TBC1D9B: variants seen among roughly 807,000 people sequenced by gnomAD.
TBC1D9B encodes the protein TBC1 domain family member 9B, also known as TBC1 domain family, member 9B (with GRAM domain).
Under a neutral mutation model 121.1 loss-of-function variants are expected in TBC1D9B, and 87 were observed. The ratio of observed to expected loss-of-function variants is 0.72; its 90% CI spans 0.60 to 0.86. The LOEUF is 0.86. TBC1D9B is among the 40% of genes least tolerant of loss of function. The pLI is 0.00. For synonymous variants in TBC1D9B, 668 were observed against 670.1 expected (o/e 1.00, Z 0.05); for missense variants, 1,540 against 1,628.6 (o/e 0.95, Z 0.94).
At chr5:179,889,628 A>C (rs1023471256) in intron 6 of TBC1D9B, among the ~76,000 whole-genome samples, 10 of 152,086 alleles carry the variant, frequency 6.6e-5, no homozygotes, top group African/African-American at 2.4e-4. Flanking sequence ...TAATCCCAGC[A>C]CTTTGGACGG....
In TBC1D9B at chr5:179,885,658, A is replaced by G. The variant is rs1246935476; in HGVS notation, c.1254+2445T>C. ...CATACGAAGTCTCCAAAACCCGTGTACAGTGATCTGAACACTCACAGCACA... is the reference window on the plus strand; with the variant it reads ...CATACGAAGTCTCCAAAACCCGTGTGCAGTGATCTGAACACTCACAGCACA... On this transcript the variant is annotated intron_variant, in intron 7 of 20. Coordinates refer to ENST00000355235, the MANE Select transcript of TBC1D9B (RefSeq NM_015043.4). The surrounding 1 kb of genome is among the most constrained non-coding windows in gnomAD (Gnocchi z 4.5). Among the ~76,000 whole-genome samples, 1 of 152,100 alleles carries G rather than the reference A, an allele frequency of 6.6e-6. No homozygotes were observed. The highest frequency in any genetic ancestry group is 1.5e-5 in the Non-Finnish European group (1 of 68,028).
In TBC1D9B at chr5:179,870,363, G is replaced by C. The variant is rs745761923; in HGVS notation, c.2617C>G (p.Pro873Ala). 1 of 1,613,882 alleles carries C rather than the reference G, an allele frequency of 6.2e-7. No homozygotes were observed. Among genetic ancestry groups the C allele is most frequent in the East Asian group, 2.2e-5 (1 of 44,882 alleles). The change falls in exon 16 of 21, where the codon CCC becomes GCC. Residue 873 changes from proline to alanine, a missense_variant. Transcript: ENST00000355235. ...QFRELFASLT[P>A]WACGSHTPLL... is the part of the protein sequence containing the mutation. ...GGTGTGTGGGAGCCACAGGCCCAGG[G>C]TGTCAGGCTGGCAAAGAGTTCCCGG...
rs374644434 is a variant in TBC1D9B, at chr5:179,874,912, T to C, written c.2176A>G (p.Met726Val). 3.7e-6 allele frequency: 6 copies of C among 1,613,140 alleles called. No individual in the cohort carries two copies. Among genetic ancestry groups the C allele is most frequent in the Non-Finnish European group, 5.1e-6 (6 of 1,179,974 alleles). ...AACCCGGCATGTCACCTGCCCAGCA[T>C]GGTCATGGCCTCGCCCTCGTCGCTG... Reference protein sequence around the residue: ...GCSDEGEAMTMLGRYLDNVVN... With the variant: ...GCSDEGEAMTVLGRYLDNVVN... Residue 726 changes from methionine (M) to valine (V), a missense_variant, in exon 12 of 21, where the codon ATG becomes GTG. Met to Val is a conservative substitution (Grantham distance 21, BLOSUM62 1). Transcript: ENST00000355235. This position sits in a 1 kb window ranked among gnomAD's most constrained non-coding sequence, Gnocchi z 4.3.
intron 1 of TBC1D9B, among the ~76,000 whole-genome samples, chr5:179,906,212 G>A (rs1761309177): frequency 6.6e-6 from 1 of 152,214 alleles, no homozygotes; most frequent in African/African-American, 2.4e-5. Context: ...AGGCCACGAT[G>A]CCCATGATGG....
chr5:179,893,967 G>A lies in TBC1D9B; in HGVS notation c.577+419C>T, dbSNP rs563387300. On this transcript the variant is annotated intron_variant, in intron 4 of 20. Transcript: ENST00000355235. Reference sequence around the variant, plus strand: ...GGCTTGGGGATGGCTAAGACCCTGGGGCTCTTTCTGGAGCTGCTGGGAAAT... The same window carrying A: ...GGCTTGGGGATGGCTAAGACCCTGGAGCTCTTTCTGGAGCTGCTGGGAAAT... Among the ~76,000 whole-genome samples the A allele has an allele frequency of 3.3e-5, 5 of 152,258 alleles. No individual in the cohort carries two copies. The East Asian group carries it at 9.7e-4, about 29-fold the overall frequency.
intron 7 of TBC1D9B, among the ~76,000 whole-genome samples, chr5:179,882,508 C>T (rs1418094713): frequency 1.3e-5 from 2 of 152,126 alleles, no homozygotes; most frequent in African/African-American, 4.8e-5. Context: ...GTCTTTATAC[C>T]TGAACGTCAG....
At position 179,896,820 on chromosome 5, in the gene TBC1D9B, A is replaced by G. The variant is rs993155777; in HGVS notation, c.349-2206T>C. Among the ~76,000 whole-genome samples, 6 of 152,308 alleles carry G rather than the reference A, an allele frequency of 3.9e-5. No homozygotes were observed. The Middle Eastern group carries it at 0.014, about 345-fold the overall frequency. Reference sequence around the variant, plus strand: ...ATTACGGGTGTGAGACACCACGCCCAGCCCCATTTTGTCTAAATTCTTAAA... The same window carrying G: ...ATTACGGGTGTGAGACACCACGCCCGGCCCCATTTTGTCTAAATTCTTAAA... On this transcript the variant is annotated intron_variant, in intron 3 of 20. Coordinates refer to ENST00000355235, the MANE Select transcript of TBC1D9B (RefSeq NM_015043.4).
chr5:179,881,710 G>A (rs1206074709), intron 7 of TBC1D9B, among the ~76,000 whole-genome samples: 1 of 151,700 alleles, frequency 6.6e-6, no homozygotes, highest in East Asian at 1.9e-4. Context: ...TTTTTTCCCT[G>A]TTAGAAAGTG....
At position 179,875,264 on chromosome 5, in the gene TBC1D9B, C is replaced by T. The variant is rs1760329260; in HGVS notation, c.1901-77G>A. The T allele has an allele frequency of 6.6e-7, 1 of 1,520,726 alleles. No homozygotes were observed. The highest frequency in any genetic ancestry group is 8.8e-7 in the Non-Finnish European group (1 of 1,135,394). The allele number at this position is 1,520,726 out of a possible 1,614,324, so 94.2% of individuals were successfully genotyped here. A position where few individuals can be genotyped will look rare whatever the true frequency, so the allele number is the denominator to read the frequency against. ...GGGCCCTCACCTGCAGCGTACGAGC[C>T]CTGGCCACTCCAGCCCTGCCAGCTG... On this transcript the variant is annotated intron_variant, in intron 11 of 20. Transcript: ENST00000355235. The surrounding 1 kb of genome is among the most constrained non-coding windows in gnomAD (Gnocchi z 4.5).
rs371014801 is a variant in TBC1D9B, at chr5:179,893,289, C to T, written c.756G>A (p.Leu252=). 6.2e-7 allele frequency: 1 copy of T among 1,614,024 alleles called. No individual in the cohort carries two copies. The highest frequency in any genetic ancestry group is 1.1e-5 in the South Asian group (1 of 91,092). The change falls in exon 5 of 21, where the codon CTG becomes CTA. Residue 252 remains leucine (L), a synonymous_variant. Coordinates refer to ENST00000355235, the MANE Select transcript of TBC1D9B (RefSeq NM_015043.4). ...CCTCCAGGAAGCCCTCGCTGTCCAG[C>T]AGCTGCCGCATGGCCAGGTTGGCCA... ...EQLANLAMRQ[L]LDSEGFLEDK...
intron 2 of TBC1D9B, among the ~76,000 whole-genome samples, chr5:179,903,254 A>T (rs1761211623): frequency 1.3e-5 from 2 of 152,216 alleles, no homozygotes; most frequent in Admixed American, 6.5e-5. Flanking sequence ...CATAGAGAAG[A>T]CCAAAGTACT....
At chr5:179,882,599 T>G (rs1375178695) in intron 7 of TBC1D9B, among the ~76,000 whole-genome samples, 2 of 152,102 alleles carry the variant, frequency 1.3e-5, no homozygotes, top group African/African-American at 2.4e-5. Flanking sequence ...ATCTCAGCAC[T>G]CTGGGAGGCT....
Position 179,891,669 on chromosome 5 carries a change from C to A in TBC1D9B, c.837-83G>T. ...TCTCAAGGAAGCCTTGGGGCCTCCC[C>A]AGGCCTGTTTCCACATCAGATTCAG... On this transcript the variant is annotated intron_variant, in intron 5 of 20. Coordinates refer to ENST00000355235, the MANE Select transcript of TBC1D9B (RefSeq NM_015043.4). The surrounding 1 kb of genome is among the most constrained non-coding windows in gnomAD (Gnocchi z 4.3). The A allele has an allele frequency of 2.0e-6, 3 of 1,476,646 alleles. No individual in the cohort carries two copies. Among genetic ancestry groups the A allele is most frequent in the Non-Finnish European group, 2.8e-6 (3 of 1,078,102 alleles). The allele number at this position is 1,476,646 out of a possible 1,614,324, so 91.5% of individuals were successfully genotyped here. A position where few individuals can be genotyped will look rare whatever the true frequency, so the allele number is the denominator to read the frequency against.
rs765498156 is a variant in TBC1D9B, at chr5:179,894,529, C to T, written c.434G>A (p.Arg145Gln). 54 of 1,614,122 alleles carry T rather than the reference C, an allele frequency of 3.3e-5. No homozygotes were observed. In the Admixed American group the frequency reaches 6.7e-4, roughly 20 times the overall value. ...GCCCTCAGGCATCCCAAACTGCTTC[C>T]GCATCTTCAGCTCAGCCTCCTTGAA... The part of the protein sequence containing the change: ...GKFKEAELKM[R>Q]KQFGMPEGEK... Residue 145 changes from arginine to glutamine, a missense_variant, in exon 4 of 21, where the codon CGG becomes CAG. Physicochemically the swap from Arg to Gln is conservative, Grantham distance 43. Coordinates refer to ENST00000355235, the MANE Select transcript of TBC1D9B (RefSeq NM_015043.4).
intron 18 of TBC1D9B, 136 bp from the exon 19 acceptor site, chr5:179,866,024 T>C: frequency 1.9e-6 from 2 of 1,032,076 alleles, no homozygotes; most frequent in Non-Finnish European, 2.9e-6. Flanking sequence ...AGGTCTCCCA[T>C]GCCACACCTC....
Position 179,863,931 on chromosome 5 carries a change from T to G in TBC1D9B, c.3219A>C (p.Glu1073Asp). 1 of 1,613,944 alleles carries G rather than the reference T, an allele frequency of 6.2e-7. No homozygotes were observed. The highest frequency in any genetic ancestry group is 8.5e-7 in the Non-Finnish European group (1 of 1,180,026). The change falls in exon 21 of 21, where the codon GAA becomes GAC. Residue 1073 changes from glutamate to aspartate, a missense_variant. By Grantham distance (45) the Glu-to-Asp change is conservative. Coordinates refer to ENST00000355235, the MANE Select transcript of TBC1D9B (RefSeq NM_015043.4). This position sits in a 1 kb window ranked among gnomAD's most constrained non-coding sequence, Gnocchi z 4.5. Reference protein sequence around the residue: ...ATEEDEPPAPELHQDAARELQ... With the variant: ...ATEEDEPPAPDLHQDAARELQ... ...GCTCCCTGGCTGCGTCCTGATGCAGTTCGGGTGCTGGTGGCTCGTCCTCCT... is the reference window on the plus strand; with the variant it reads ...GCTCCCTGGCTGCGTCCTGATGCAGGTCGGGTGCTGGTGGCTCGTCCTCCT...
intron 14 of TBC1D9B, chr5:179,872,607 G>C (rs1490845559): frequency 4.5e-6 from 2 of 446,478 alleles, no homozygotes; most frequent in Middle Eastern, 6.1e-4. Flanking sequence ...GGGAAGCCAG[G>C]CTGGGCGGGC....
intron 3 of TBC1D9B, among the ~76,000 whole-genome samples, chr5:179,895,340 A>G (rs1438273858): frequency 1.3e-5 from 2 of 152,200 alleles, no homozygotes; most frequent in East Asian, 3.8e-4. Context: ...ATGGATTCAT[A>G]AGCAAATGTA....
chr5:179,899,160 G>A, intron 3 of TBC1D9B, 29 bp downstream of exon 3: 2 of 1,570,580 alleles, frequency 1.3e-6, no homozygotes, highest in Non-Finnish European at 1.8e-6. Context: ...AGGGAAGGGT[G>A]AGAACAGAGA....
Sources: allele counts gnomAD v4.1 joint callset (sites outside exome capture counted in the v4.1 genomes callset), GRCh38; gene constraint gnomAD v4.1.1; non-coding constraint Gnocchi (gnomAD v3.1); transcripts MANE v1.5; gene names NCBI Gene and HGNC (gene_info 2026-07-23, HGNC 2026-07-21).